CLYBL: variants seen among roughly 807,000 people sequenced by gnomAD.
CLYBL encodes citramalyl-CoA lyase.
CLYBL carries 31 observed loss-of-function variants against 38.9 expected under a neutral mutation model. The ratio of observed to expected loss-of-function variants is 0.80; its 90% CI spans 0.60 to 1.08. CLYBL has a LOEUF of 1.08. Ranked by LOEUF, CLYBL falls within the 50% of genes least tolerant of loss-of-function variation. The probability of loss-of-function intolerance (pLI) is 0.00; values close to 1 mark genes in which losing one functional copy is unlikely to be tolerated. For missense variants in CLYBL, 434 were observed against 411.6 expected (o/e 1.05, Z -0.47); for synonymous variants, 171 against 158.6 (o/e 1.08, Z -0.59).
intron 1 of CLYBL, among the ~76,000 whole-genome samples, chr13:99,645,359 G>A (rs781088478): frequency 5.9e-5 from 9 of 152,174 alleles, no homozygotes; most frequent in African/African-American, 2.2e-4. Context: ...TTAGCTGGGC[G>A]TGGTGGCGGG....
chr13:99,631,660 G>A (rs1298832873), intron 1 of CLYBL, among the ~76,000 whole-genome samples: 6 of 151,696 alleles, frequency 4.0e-5, no homozygotes, highest in Admixed American at 3.9e-4. Flanking sequence ...GTGCAGTGGC[G>A]TGATCTCGGC....
intron 1 of CLYBL, among the ~76,000 whole-genome samples, chr13:99,735,321 G>A (rs1336092896): frequency 6.6e-6 from 1 of 152,034 alleles, no homozygotes; most frequent in Admixed American, 6.6e-5. Context: ...AGCCTCCTGA[G>A]CAGTTAGGAC....
intron 2 of CLYBL, among the ~76,000 whole-genome samples, chr13:99,847,313 T>G (rs1488192819): frequency 6.6e-6 from 1 of 152,238 alleles, no homozygotes; most frequent in African/African-American, 2.4e-5. Flanking sequence ...TGAAGAAAGC[T>G]AGGTACGAGG....
At chr13:99,675,728 A>G (rs1206301866) in intron 1 of CLYBL, among the ~76,000 whole-genome samples, 1 of 152,256 alleles carries the variant, frequency 6.6e-6, no homozygotes, top group Non-Finnish European at 1.5e-5. Context: ...AGGGCCAAAT[A>G]ATATTCCACT....
intron 7 of CLYBL, among the ~76,000 whole-genome samples, chr13:99,875,346 G>T (rs943964089): frequency 2.6e-5 from 4 of 152,212 alleles, no homozygotes; most frequent in Admixed American, 2.6e-4. Context: ...AAAGAAAAAG[G>T]AAAGTAAGAG....
chr13:99,627,090 A>G (rs1210287000), intron 1 of CLYBL, among the ~76,000 whole-genome samples: 1 of 151,872 alleles, frequency 6.6e-6, no homozygotes, highest in Non-Finnish European at 1.5e-5. Flanking sequence ...AAATATTGTG[A>G]TCATTTCATT....
intron 2 of CLYBL, among the ~76,000 whole-genome samples, chr13:99,857,201 G>A (rs2051479947): frequency 6.6e-6 from 1 of 151,922 alleles, no homozygotes; most frequent in Non-Finnish European, 1.5e-5. Context: ...TGTAGTCCTA[G>A]CTACTCAGGG....
At chr13:99,616,341 C>T (rs1291028347) in intron 1 of CLYBL, among the ~76,000 whole-genome samples, 1 of 152,086 alleles carries the variant, frequency 6.6e-6, no homozygotes, top group African/African-American at 2.4e-5. Context: ...GTTTTGTTTA[C>T]ATTTAACGAT....
downstream of CLYBL, among the ~76,000 whole-genome samples, chr13:99,901,816 T>G (rs1484302392): frequency 6.6e-6 from 1 of 152,006 alleles, no homozygotes; most frequent in Non-Finnish European, 1.5e-5. Context: ...CACGCCACCA[T>G]GCCTGGCTAA....
chr13:99,788,167 A>T (rs1436304173), intron 2 of CLYBL, among the ~76,000 whole-genome samples: 9 of 151,762 alleles, frequency 5.9e-5, no homozygotes, highest in African/African-American at 1.5e-4. Flanking sequence ...TGACTTCCTC[A>T]TTTCCTAATT....
chr13:99,732,084 T>C (rs1343799042), intron 1 of CLYBL, among the ~76,000 whole-genome samples: 1 of 152,246 alleles, frequency 6.6e-6, no homozygotes, highest in Admixed American at 6.5e-5. Flanking sequence ...TTCTTACTGT[T>C]TCTTTTTTCT....
At chr13:99,847,338 T>C (rs2051229041) in intron 2 of CLYBL, among the ~76,000 whole-genome samples, 1 of 152,236 alleles carries the variant, frequency 6.6e-6, no homozygotes, top group Admixed American at 6.5e-5. Context: ...TTGATGACAC[T>C]GTTCCCTTTT....
chr13:99,728,218 C>T (rs1169531655), intron 1 of CLYBL, among the ~76,000 whole-genome samples: 1 of 152,118 alleles, frequency 6.6e-6, no homozygotes, highest in East Asian at 1.9e-4. Context: ...CTGGCCCCCT[C>T]CCCCAATAAA....
chr13:99,847,023 A>G (rs9554642), intron 2 of CLYBL, among the ~76,000 whole-genome samples: 88,701 of 152,040 alleles, frequency 0.58, 26,321 homozygotes, highest in East Asian at 0.7. Flanking sequence ...GAAGGGGACA[A>G]TTTGGATCGG....
intron 1 of CLYBL, among the ~76,000 whole-genome samples, chr13:99,676,599 C>T (rs2047656253): frequency 7.4e-6 from 1 of 135,024 alleles, no homozygotes; most frequent in South Asian, 2.4e-4. Context: ...CTTCTTCATT[C>T]TTTTTTTTTT....
downstream of CLYBL, among the ~76,000 whole-genome samples, chr13:99,899,084 A>T (rs993246463): frequency 1.3e-5 from 2 of 152,234 alleles, no homozygotes; most frequent in African/African-American, 4.8e-5. Flanking sequence ...CTCTCTGAAC[A>T]TCAGTCTCTT....
At position 99,634,071 on chromosome 13, in the gene CLYBL, A is replaced by G. The variant is rs540216906; in HGVS notation, c.62+27314A>G. Among the ~76,000 whole-genome samples the G allele has an allele frequency of 3.3e-5, 5 of 152,324 alleles. No homozygotes were observed. The East Asian group carries it at 9.6e-4, about 29-fold the overall frequency. ...GATAAATTAAAACACACACATGCAC[A>G]TGAGAGCCACATTGCTGAAATCCAA... On this transcript the variant is annotated intron_variant, in intron 1 of 8. Transcript: ENST00000339105.
At chr13:99,722,789 G>A (rs1032469240) in intron 1 of CLYBL, among the ~76,000 whole-genome samples, 7 of 152,194 alleles carry the variant, frequency 4.6e-5, no homozygotes, top group African/African-American at 1.7e-4. Context: ...CTGTTTAACT[G>A]CTTTGCACTG....
Position 99,685,595 on chromosome 13 carries a change from T to C in CLYBL, c.62+78838T>C, listed in dbSNP as rs147750845. 2.0e-5 allele frequency among the ~76,000 whole-genome samples: 3 copies of C among 152,156 alleles called. No homozygotes were observed. The East Asian group carries it at 5.8e-4, about 29-fold the overall frequency. On this transcript the variant is annotated intron_variant, in intron 1 of 8. Coordinates refer to ENST00000339105, the MANE Select transcript of CLYBL (RefSeq NM_206808.5). Reference sequence around the variant, plus strand: ...AGCAAAACTTCACTCCTTTAGATGGTTGGTGGTGTGAGGGGTTTGTTCCCA... The same window carrying C: ...AGCAAAACTTCACTCCTTTAGATGGCTGGTGGTGTGAGGGGTTTGTTCCCA...
Sources: gnomAD v4.1 joint callset for allele counts (sites outside exome capture counted in the v4.1 genomes callset) on GRCh38, gnomAD v4.1.1 for gene constraint, MANE v1.5 for transcripts, NCBI Gene and HGNC (gene_info 2026-07-23, HGNC 2026-07-21) for gene names.